HCRTR2: variants seen among roughly 807,000 people sequenced by gnomAD.
HCRTR2 encodes hypocretin receptor 2.
A neutral mutation model predicts 49.0 loss-of-function variants in HCRTR2; 22 were observed. The observed-to-expected ratio is 0.45, with a 90% CI of 0.32 to 0.64. The LOEUF (loss-of-function observed/expected upper bound fraction) is 0.64, where lower values mean the gene tolerates loss of function less well. Among genes scored for constraint, HCRTR2 ranks in the 30% least tolerant of loss-of-function variants. The pLI, the probability that HCRTR2 is intolerant of heterozygous loss-of-function variation, is 0.04. For synonymous variants in HCRTR2, 236 were observed against 205.3 expected (o/e 1.15, Z -1.28); for missense variants, 491 against 559.4 (o/e 0.88, Z 1.23).
intron 1 of HCRTR2, among the ~76,000 whole-genome samples, chr6:55,133,811 TTAAA>T (rs892645870): frequency 1.3e-5 from 2 of 151,878 alleles, no homozygotes; most frequent in African/African-American, 4.8e-5. Context: ...TATTTCTTTC[TTAAA>T]TAATTTAATA....
chr6:55,248,489 A>AT (rs1443894860), intron 1 of HCRTR2, 150 bp from the exon 2 acceptor site: 2 of 692,676 alleles, frequency 2.9e-6, no homozygotes, highest in African/African-American at 3.5e-5. Context: ...ATTCACACAG[A>AT]TTGACAGATT....
At chr6:55,182,359 A>C (rs1422637183) in intron 1 of HCRTR2, among the ~76,000 whole-genome samples, 1 of 152,200 alleles carries the variant, frequency 6.6e-6, no homozygotes, top group African/African-American at 2.4e-5. Flanking sequence ...AGATTACATA[A>C]CAGGAGCTTA....
chr6:55,109,001 C>T (rs942195477), intron 1 of HCRTR2, among the ~76,000 whole-genome samples: 1 of 152,042 alleles, frequency 6.6e-6, no homozygotes. Context: ...ACCTCACTCC[C>T]CTCCTGCTAC....
chr6:55,175,457 A>T (rs1765023081), intron 1 of HCRTR2, among the ~76,000 whole-genome samples: 3 of 152,106 alleles, frequency 2.0e-5, no homozygotes, highest in Admixed American at 2.0e-4. Flanking sequence ...GAAAAGTACC[A>T]CAGAGATCTC....
At position 55,277,458 on chromosome 6, in the gene HCRTR2, C is replaced by A; in HGVS notation, c.841C>A (p.Pro281Thr). 1.9e-6 allele frequency: 3 copies of A among 1,614,104 alleles called. No individual in the cohort carries two copies. The highest frequency in any genetic ancestry group is 2.5e-6 in the Non-Finnish European group (3 of 1,179,986). ...PVSQPRGPGQ[P>T]TKSRMSAVAA... ...TTCACAGCCTCGAGGGCCAGGACAG[C>A]CAACGAAGTCCCGGATGAGCGCTGT... is the stretch of plus-strand genomic sequence containing the variant. Residue 281 changes from proline (P) to threonine (T), a missense_variant, in exon 5 of 7, where the codon CCA becomes ACA. By Grantham distance (38) the Pro-to-Thr change is conservative. Coordinates refer to ENST00000370862, the MANE Select transcript of HCRTR2 (RefSeq NM_001384272.1).
chr6:55,195,697 C>A (rs768608499), intron 1 of HCRTR2, among the ~76,000 whole-genome samples: 3 of 151,980 alleles, frequency 2.0e-5, no homozygotes, highest in Admixed American at 1.3e-4. Flanking sequence ...CATGGCCGGG[C>A]GTGGTGGCTC....
chr6:55,240,727 G>A, intron 1 of HCRTR2: 1 of 374,438 alleles, frequency 2.7e-6, no homozygotes, highest in Non-Finnish European at 5.3e-6. Context: ...TAATACTCCT[G>A]GTCAGCTTCC....
chr6:55,223,483 C>A (rs564030767), intron 1 of HCRTR2, among the ~76,000 whole-genome samples: 1 of 152,108 alleles, frequency 6.6e-6, no homozygotes, highest in Non-Finnish European at 1.5e-5. Context: ...GTTTGGTGTT[C>A]TTTGACCCTA....
chr6:55,223,801 A>G (rs984870166), intron 1 of HCRTR2, among the ~76,000 whole-genome samples: 1 of 152,196 alleles, frequency 6.6e-6, no homozygotes, highest in African/African-American at 2.4e-5. Context: ...GTTATATTTC[A>G]GTACTTCTTT....
chr6:55,134,036 T>C (rs1053742659), intron 1 of HCRTR2, among the ~76,000 whole-genome samples: 3 of 151,864 alleles, frequency 2.0e-5, no homozygotes, highest in African/African-American at 7.2e-5. Flanking sequence ...TAGGAACATA[T>C]ACATTTCTTA....
At chr6:55,153,223 C>T (rs1258937810) in intron 1 of HCRTR2, among the ~76,000 whole-genome samples, 1 of 151,894 alleles carries the variant, frequency 6.6e-6, no homozygotes, top group Non-Finnish European at 1.5e-5. Flanking sequence ...AACATATGGT[C>T]ATATATCACT....
chr6:55,219,520 A>C lies in HCRTR2; in HGVS notation c.224-29119A>C, dbSNP rs77484842. On this transcript the variant is annotated intron_variant, in intron 1 of 6. Coordinates refer to ENST00000370862, the MANE Select transcript of HCRTR2 (RefSeq NM_001384272.1). ...AAATGAAAATGTCTCAAGATGAAAT[A>C]AAAAGACAACATATCCAAATTTATG... Among the ~76,000 whole-genome samples, 1,026 of 152,288 alleles carry C rather than the reference A, an allele frequency of 6.7e-3. 13 individuals carry two copies. The highest frequency in any genetic ancestry group is 0.023 in the African/African-American group (958 of 41,562).
intron 1 of HCRTR2, among the ~76,000 whole-genome samples, chr6:55,221,775 T>G (rs1765902179): frequency 6.7e-6 from 1 of 149,344 alleles, no homozygotes; most frequent in Non-Finnish European, 1.5e-5. Flanking sequence ...ATCACGCCAC[T>G]GCACTCCAGC....
intron 1 of HCRTR2, among the ~76,000 whole-genome samples, chr6:55,228,850 T>C (rs1350641092): frequency 6.6e-6 from 1 of 152,222 alleles, no homozygotes; most frequent in Non-Finnish European, 1.5e-5. Flanking sequence ...AATAACATAT[T>C]TTAATGAAAG....
intron 1 of HCRTR2, among the ~76,000 whole-genome samples, chr6:55,143,773 C>A (rs1328535195): frequency 7.2e-5 from 11 of 152,094 alleles, no homozygotes; most frequent in Admixed American, 7.2e-4. Flanking sequence ...GGGGTTAGCA[C>A]CATGTTCAGG....
rs376133897 is a variant in HCRTR2 at position 55,180,996 on chromosome 6, A to T, written c.223+6186A>T. Among the ~76,000 whole-genome samples, 381 of 147,612 alleles carry T rather than the reference A, an allele frequency of 2.6e-3. 1 individual carries two copies. The highest frequency in any genetic ancestry group is 9.1e-3 in the African/African-American group (362 of 39,984). On this transcript the variant is annotated intron_variant, in intron 1 of 6. Transcript: ENST00000370862. ...TTTTTTTTTTGTATTTTTAGTAGAG[A>T]TGGGTTTCACCATCTTGGCTAGGCT...
chr6:55,152,945 T>C (rs531413792), intron 1 of HCRTR2, among the ~76,000 whole-genome samples: 39 of 152,194 alleles, frequency 2.6e-4, no homozygotes, highest in African/African-American at 8.9e-4. Context: ...TTTGGTGTCA[T>C]ATCCAAGAAA....
At chr6:55,283,098 T>C (rs566909036), downstream of HCRTR2, among the ~76,000 whole-genome samples, 16 of 152,342 alleles carry the variant, frequency 1.1e-4, no homozygotes, top group African/African-American at 3.8e-4. Flanking sequence ...TCTATCACAG[T>C]AAAAGTTTTA....
chr6:55,121,688 CA>C (rs1248311511), intron 1 of HCRTR2, among the ~76,000 whole-genome samples: 1 of 152,086 alleles, frequency 6.6e-6, no homozygotes, highest in Non-Finnish European at 1.5e-5. Context: ...TGAATTTTGT[CA>C]AAGGCCTTTT....
Sources: allele counts gnomAD v4.1 joint callset (sites outside exome capture counted in the v4.1 genomes callset), GRCh38; gene constraint gnomAD v4.1.1; transcripts MANE v1.5; gene names NCBI Gene and HGNC (gene_info 2026-07-23, HGNC 2026-07-21).